The following VPS13B variants were observed in gnomAD, a reference collection of about 807,000 sequenced individuals.
The protein encoded by VPS13B is vacuolar protein sorting 13 homolog B.
A neutral mutation model predicts 426.4 loss-of-function variants in VPS13B; 285 were observed. The observed-to-expected ratio is 0.67, with a 90% CI of 0.61 to 0.74. VPS13B has a LOEUF of 0.74. Ranked by LOEUF, VPS13B falls within the 30% of genes least tolerant of loss-of-function variation. VPS13B has a pLI of 0.00. For synonymous variants in VPS13B, 1,676 were observed against 1,676.4 expected (o/e 1.00, Z 0.01); for missense variants, 4,537 against 4,782.6 (o/e 0.95, Z 1.51).
chr8:99,810,622 A>G (rs1244910877), intron 44 of VPS13B, among the ~76,000 whole-genome samples: 1 of 152,258 alleles, frequency 6.6e-6, no homozygotes, highest in East Asian at 1.9e-4. Context: ...ACTCTTCCCA[A>G]TTAACTGAGC....
intron 19 of VPS13B, among the ~76,000 whole-genome samples, chr8:99,334,667 C>T (rs981574913): frequency 6.6e-5 from 10 of 152,060 alleles, no homozygotes; most frequent in South Asian, 2.1e-4. Flanking sequence ...TATTGATTTG[C>T]GTATATTGAA....
intron 15 of VPS13B, among the ~76,000 whole-genome samples, chr8:99,168,899 ATTGTT>A (rs1249474782): frequency 6.6e-6 from 1 of 152,024 alleles, no homozygotes; most frequent in Non-Finnish European, 1.5e-5. Context: ...TTTCTAAAAC[ATTGTT>A]TTGTTCACTC....
chr8:99,620,368 G>T (rs1380995774), intron 33 of VPS13B, among the ~76,000 whole-genome samples: 1 of 152,058 alleles, frequency 6.6e-6, no homozygotes, highest in Non-Finnish European at 1.5e-5. Context: ...TAAAATACTG[G>T]GTTTCCTGCA....
At chr8:99,076,425 G>GA (rs1175818818) in intron 3 of VPS13B, among the ~76,000 whole-genome samples, 3 of 152,090 alleles carry the variant, frequency 2.0e-5, no homozygotes, top group African/African-American at 7.2e-5. Context: ...TTTCCATGTG[G>GA]ATGATATGTC....
chr8:99,175,270 A>G (rs1295564405), intron 16 of VPS13B, among the ~76,000 whole-genome samples: 1 of 152,204 alleles, frequency 6.6e-6, no homozygotes, highest in African/African-American at 2.4e-5. Flanking sequence ...CTTGAACAAC[A>G]TGGGCTTGAA....
At position 99,720,441 on chromosome 8, in the gene VPS13B, T is replaced by C; in HGVS notation, c.6754T>C (p.Ser2252Pro). 2 of 1,614,066 alleles carry C rather than the reference T, an allele frequency of 1.2e-6. No individual in the cohort carries two copies. The highest frequency in any genetic ancestry group is 1.1e-5 in the South Asian group (1 of 91,078). The change falls in exon 38 of 62, where the codon TCT becomes CCT. Residue 2252 changes from serine (S) to proline (P), a missense_variant. By Grantham distance (74) the Ser-to-Pro change is moderately conservative. Around this residue, in one of 2 missense-constraint regions of VPS13B, gnomAD observed 4,311 missense variants for 4,474.3 expected, o/e 0.96. Transcript: ENST00000357162. ...GGAGGGAAATTTTGAAGTACAAGTT[T>C]CTGAACCAGTGCCTCAAATGTCATC... ...NEEGNFEVQV[S>P]EPVPQMSSPV...
chr8:99,194,345 A>G (rs942413014), intron 17 of VPS13B, among the ~76,000 whole-genome samples: 15 of 152,146 alleles, frequency 9.9e-5, no homozygotes, highest in African/African-American at 3.1e-4. Context: ...CTCTTTTTGA[A>G]TTGAACTTAC....
intron 2 of VPS13B, among the ~76,000 whole-genome samples, chr8:99,032,647 A>C (rs1234220708): frequency 1.3e-5 from 2 of 149,190 alleles, no homozygotes; most frequent in Non-Finnish European, 3.0e-5. Flanking sequence ...CTCCTGCCTC[A>C]GCCTCCCGAG....
intron 2 of VPS13B, among the ~76,000 whole-genome samples, chr8:99,030,323 C>A (rs970907152): frequency 6.6e-6 from 1 of 150,862 alleles, no homozygotes; most frequent in African/African-American, 2.4e-5. Context: ...CTGGTTAGGA[C>A]CTCTGTCTTT....
intron 34 of VPS13B, among the ~76,000 whole-genome samples, chr8:99,647,841 C>G (rs1160311048): frequency 1.3e-5 from 2 of 151,972 alleles, no homozygotes; most frequent in Non-Finnish European, 2.9e-5. Context: ...AAGTATGGCT[C>G]TGGGTGATGC....
At chr8:99,287,244 A>G (rs62534564) in intron 19 of VPS13B, among the ~76,000 whole-genome samples, 46,700 of 141,238 alleles carry the variant, frequency 0.33, 7,656 homozygotes, top group Middle Eastern at 0.42. Context: ...CTATCTATCT[A>G]TCTATCTATC....
chr8:99,020,356 T>C lies in VPS13B; in HGVS notation c.147+6421T>C, dbSNP rs370772179. ...TTTGTTTTTTGTTGTTGTTGAGTTA[T>C]AGGAGTTCTTTATGTATTGTGGATA... is the stretch of plus-strand genomic sequence containing the variant. On this transcript the variant is annotated intron_variant, in intron 2 of 61. Transcript: ENST00000357162. Among the ~76,000 whole-genome samples the C allele has an allele frequency of 2.2e-4, 34 of 152,310 alleles. No individual in the cohort carries two copies. In the East Asian group the frequency reaches 4.2e-3, roughly 19 times the overall value.
chr8:99,600,181 T>A (rs1827215210), intron 33 of VPS13B, among the ~76,000 whole-genome samples: 1 of 152,150 alleles, frequency 6.6e-6, no homozygotes, highest in Non-Finnish European at 1.5e-5. Flanking sequence ...GACAGTAGTC[T>A]AAGTGTTTTA....
intron 14 of VPS13B, among the ~76,000 whole-genome samples, chr8:99,150,452 A>G (rs950882002): frequency 4.6e-5 from 7 of 152,184 alleles, no homozygotes; most frequent in African/African-American, 1.7e-4. Flanking sequence ...ATGTTCTATG[A>G]GTGTTGAAAA....
intron 20 of VPS13B, among the ~76,000 whole-genome samples, chr8:99,389,187 C>T (rs1382217771): frequency 1.3e-5 from 2 of 151,868 alleles, no homozygotes; most frequent in African/African-American, 4.8e-5. Context: ...GCTTTAGCTG[C>T]CCAAAGGTAT....
chr8:99,385,032 A>T (rs552115289), intron 20 of VPS13B, among the ~76,000 whole-genome samples: 1 of 152,316 alleles, frequency 6.6e-6, no homozygotes, highest in Admixed American at 6.5e-5. Context: ...TTTTCAACAA[A>T]CATGCATCGA....
chr8:99,193,613 A>T (rs893440181), intron 17 of VPS13B, among the ~76,000 whole-genome samples: 8 of 152,176 alleles, frequency 5.3e-5, no homozygotes. Flanking sequence ...AAGTTGTTTC[A>T]GTTCAAAATA....
intron 17 of VPS13B, among the ~76,000 whole-genome samples, chr8:99,240,029 GA>G (rs1816838816): frequency 6.6e-6 from 1 of 152,072 alleles, no homozygotes; most frequent in Non-Finnish European, 1.5e-5. Flanking sequence ...GAGGAAGTGT[GA>G]ACCCCCTGAT....
chr8:99,460,831 G>A (rs1010431014), intron 23 of VPS13B, among the ~76,000 whole-genome samples: 5 of 152,006 alleles, frequency 3.3e-5, no homozygotes, highest in Non-Finnish European at 7.4e-5. Flanking sequence ...ACCTCTCTTT[G>A]ATCATGGCAG....
Sources: gnomAD v4.1 joint callset for allele counts (sites outside exome capture counted in the v4.1 genomes callset) on GRCh38, gnomAD v4.1.1 for gene constraint, gnomAD v4.1.1 regional missense constraint, MANE v1.5 for transcripts, NCBI Gene and HGNC (gene_info 2026-07-23, HGNC 2026-07-21) for gene names.